MTPN: variants seen among roughly 807,000 people sequenced by gnomAD.
MTPN encodes granule cell differentiation protein.
MTPN carries 2 observed loss-of-function variants against 13.5 expected under a neutral mutation model. That is an observed-to-expected ratio of 0.15 (90% CI 0.06 to 0.47). The LOEUF is 0.47. MTPN is among the 20% of genes least tolerant of loss of function. The pLI is 0.97. For synonymous variants in MTPN, 46 were observed against 51.7 expected, an observed-to-expected ratio of 0.89 and a Z score of 0.48; for missense variants, 79 against 137.9, an observed-to-expected ratio of 0.57 and a Z score of 2.14.
intron 1 of MTPN, among the ~76,000 whole-genome samples, chr7:135,952,748 G>A (rs529253052): frequency 2.0e-5 from 3 of 152,258 alleles, no homozygotes; most frequent in Non-Finnish European, 4.4e-5. Context: ...CATCACTTGA[G>A]CCTAGGAGTT....
chr7:135,972,846 ATACT>A (rs58858159), intron 1 of MTPN, among the ~76,000 whole-genome samples: 2,687 of 151,584 alleles, frequency 0.018, 77 homozygotes, highest in African/African-American at 0.063. Flanking sequence ...GTTAGAGGTG[ATACT>A]TACCCTAGGA....
intron 1 of MTPN, among the ~76,000 whole-genome samples, chr7:135,953,880 T>TTC (rs1233804460): frequency 6.6e-6 from 1 of 152,166 alleles, no homozygotes; most frequent in African/African-American, 2.4e-5. Flanking sequence ...TAAATGATTG[T>TTC]TTACTTAAGT....
At chr7:135,942,308 CAA>C (rs1324465237) in intron 3 of MTPN, among the ~76,000 whole-genome samples, 1 of 152,196 alleles carries the variant, frequency 6.6e-6, no homozygotes, top group Non-Finnish European at 1.5e-5. Flanking sequence ...ATTCCTACAG[CAA>C]GTCTTTCCTT....
At chr7:135,931,437 T>C (rs1206221942) in intron 3 of MTPN, among the ~76,000 whole-genome samples, 2 of 152,116 alleles carry the variant, frequency 1.3e-5, no homozygotes, top group Non-Finnish European at 2.9e-5. Context: ...AGGGAGGAGA[T>C]GACATTTTAG....
intron 1 of MTPN, among the ~76,000 whole-genome samples, chr7:135,951,934 GA>G (rs1169798717): frequency 6.6e-6 from 1 of 152,168 alleles, no homozygotes; most frequent in Non-Finnish European, 1.5e-5. Flanking sequence ...GTCAATATGT[GA>G]CCACAGAAGA....
rs569013272 is a variant in MTPN at position 135,970,827 on chromosome 7, C to T, written c.72+6202G>A. ...ATCTATACTAATGTTTCTCTGTCTA[C>T]TGAGGGCACCTGTATCTTATACAAG... On this transcript the variant is annotated intron_variant, in intron 1 of 3. Transcript: ENST00000393085. Among the ~76,000 whole-genome samples, 52 of 152,200 alleles carry T rather than the reference C, an allele frequency of 3.4e-4. No homozygotes were observed. In the South Asian group the frequency reaches 0.011, roughly 31 times the overall value.
chr7:135,954,590 A>G (rs1371105570), intron 1 of MTPN, among the ~76,000 whole-genome samples: 1 of 152,212 alleles, frequency 6.6e-6, no homozygotes, highest in Non-Finnish European at 1.5e-5. Context: ...GCAAATAAAT[A>G]AGTGCAATAA....
intron 1 of MTPN, among the ~76,000 whole-genome samples, chr7:135,967,101 C>A (rs144806420): frequency 3.9e-4 from 59 of 152,128 alleles, no homozygotes; most frequent in Non-Finnish European, 7.4e-4. Flanking sequence ...GTCATTAAGA[C>A]AAAACTCATT....
intron 3 of MTPN, among the ~76,000 whole-genome samples, chr7:135,945,013 C>T (rs1343519960): frequency 6.6e-6 from 1 of 152,180 alleles, no homozygotes; most frequent in Non-Finnish European, 1.5e-5. Flanking sequence ...GGCTACAAAC[C>T]TATATCCAGT....
chr7:135,931,264 C>T (rs1799016537), intron 3 of MTPN, among the ~76,000 whole-genome samples: 1 of 152,122 alleles, frequency 6.6e-6, no homozygotes, highest in African/African-American at 2.4e-5. Flanking sequence ...TCAGACAACT[C>T]AGCCAACACA....
In MTPN at chr7:135,927,998, CA is replaced by C; in HGVS notation, c.*1927del. On this transcript the variant is annotated 3_prime_UTR_variant, in exon 4 of 4. Coordinates refer to ENST00000393085, the MANE Select transcript of MTPN (RefSeq NM_145808.4). ...ATAGCATTATGTCAAGAGGTGAAAA[CA>C]AAGGTATCAAAACACCCTGTTGCAC... 1 of 270,270 alleles carries C rather than the reference CA, an allele frequency of 3.7e-6. No homozygotes were observed. Among genetic ancestry groups the C allele is most frequent in the South Asian group, 4.3e-5 (1 of 23,526 alleles). The allele number at this position is 270,270 out of a possible 1,614,324, so 16.7% of individuals were successfully genotyped here. A position where few individuals can be genotyped will look rare whatever the true frequency, so the allele number is the denominator to read the frequency against.
chr7:135,929,838 G>T lies in MTPN; in HGVS notation c.*88C>A. ...CCTCTTAAAGTATTTAGCTGAAGAAGCTGGCAGATAGAGAGTGACAGACAG... is the reference window on the plus strand; with the variant it reads ...CCTCTTAAAGTATTTAGCTGAAGAATCTGGCAGATAGAGAGTGACAGACAG... On this transcript the variant is annotated 3_prime_UTR_variant, in exon 4 of 4. Coordinates refer to ENST00000393085, the MANE Select transcript of MTPN (RefSeq NM_145808.4). 2 of 1,257,946 alleles carry T rather than the reference G, an allele frequency of 1.6e-6. No individual in the cohort carries two copies. Among genetic ancestry groups the T allele is most frequent in the Non-Finnish European group, 2.3e-6 (2 of 858,322 alleles). The allele number at this position is 1,257,946 out of a possible 1,614,324, so 77.9% of individuals were successfully genotyped here.
At chr7:135,970,446 C>T (rs1439138300) in intron 1 of MTPN, among the ~76,000 whole-genome samples, 4 of 151,988 alleles carry the variant, frequency 2.6e-5, no homozygotes, top group Non-Finnish European at 5.9e-5. Context: ...AAATTTTGGC[C>T]AATTTTTGTC....
chr7:135,951,915 C>T (rs1330127156), intron 1 of MTPN, among the ~76,000 whole-genome samples: 1 of 152,170 alleles, frequency 6.6e-6, no homozygotes, highest in African/African-American at 2.4e-5. Context: ...GGAGTTCAAT[C>T]AGCATAGTGT....
intron 3 of MTPN, among the ~76,000 whole-genome samples, chr7:135,944,704 A>G (rs1452705202): frequency 6.6e-6 from 1 of 152,298 alleles, no homozygotes; most frequent in South Asian, 2.1e-4. Flanking sequence ...TAGTGTATTA[A>G]TACTACAGGC....
rs760321242 is a variant in MTPN at position 135,949,992 on chromosome 7, G to A, written c.270+607C>T. Among the ~76,000 whole-genome samples, 263 of 152,060 alleles carry A rather than the reference G, an allele frequency of 1.7e-3. 3 individuals are homozygous for A. Among genetic ancestry groups the A allele is most frequent in the Non-Finnish European group, 1.7e-3 (118 of 67,934 alleles). ...GAAGATTTCTTGCTTTCCAACATCTGTAGGATCCATCTAATACAGCTAGAA... is the reference window on the plus strand; with the variant it reads ...GAAGATTTCTTGCTTTCCAACATCTATAGGATCCATCTAATACAGCTAGAA... On this transcript the variant is annotated intron_variant, in intron 3 of 3. Coordinates refer to ENST00000393085, the MANE Select transcript of MTPN (RefSeq NM_145808.4).
chr7:135,938,770 T>C (rs546727649), intron 3 of MTPN, among the ~76,000 whole-genome samples: 14 of 152,136 alleles, frequency 9.2e-5, no homozygotes, highest in South Asian at 2.1e-4. Context: ...GACATGACTA[T>C]AGTAAGAAAG....
chr7:135,961,978 C>T (rs1003954611), intron 1 of MTPN, among the ~76,000 whole-genome samples: 5 of 151,938 alleles, frequency 3.3e-5, no homozygotes, highest in Non-Finnish European at 7.4e-5. Context: ...AAAAATAGCA[C>T]TGTACAGAGA....
At chr7:135,945,201 G>A (rs1799272528) in intron 3 of MTPN, among the ~76,000 whole-genome samples, 1 of 152,178 alleles carries the variant, frequency 6.6e-6, no homozygotes, top group African/African-American at 2.4e-5. Context: ...GAGATGAGTG[G>A]TGAGTGAAGG....
Sources: allele counts gnomAD v4.1 joint callset (sites outside exome capture counted in the v4.1 genomes callset), GRCh38; gene constraint gnomAD v4.1.1; transcripts MANE v1.5; gene names NCBI Gene and HGNC (gene_info 2026-07-23, HGNC 2026-07-21).